The following LRRC52 variants were observed in gnomAD, a reference collection of about 807,000 sequenced individuals.
LRRC52 encodes the protein leucine rich repeat containing 52, also known as leucine-rich repeat-containing protein 52.
Under a neutral mutation model 14.7 loss-of-function variants are expected in LRRC52, and 15 were observed. That is an observed-to-expected ratio of 1.02 (90% confidence interval 0.68 to 1.58). LRRC52 has a LOEUF of 1.58. Among genes scored for constraint, LRRC52 ranks in the 40% most tolerant of loss-of-function variants. The pLI is 0.00. For synonymous variants in LRRC52, 180 were observed against 163.9 expected (o/e 1.10, Z -0.75); for missense variants, 400 against 387.7 (o/e 1.03, Z -0.27).
intron 1 of LRRC52, among the ~76,000 whole-genome samples, chr1:165,548,192 G>A (rs1157861): frequency 0.084 from 12,814 of 152,212 alleles, 749 homozygotes; most frequent in South Asian, 0.22. Flanking sequence ...AGGAAATACT[G>A]AACCTTAGCC....
At chr1:165,559,511 G>A (rs1419846557) in intron 1 of LRRC52, among the ~76,000 whole-genome samples, 9 of 152,138 alleles carry the variant, frequency 5.9e-5, no homozygotes, top group Admixed American at 5.9e-4. Flanking sequence ...TAATAACTAA[G>A]AGACAATAGA....
At position 165,563,541 on chromosome 1, in the gene LRRC52, T is replaced by TCCCATCACCCGG. The variant is rs768889337; in HGVS notation, c.659_660insCCCATCACCCGG (p.Leu220_Thr221insProSerProGly). The TCCCATCACCCGG allele has an allele frequency of 6.2e-7, 1 of 1,614,164 alleles. No individual in the cohort carries two copies. Among genetic ancestry groups the TCCCATCACCCGG allele is most frequent in the Admixed American group, 1.7e-5 (1 of 60,026 alleles). On this transcript the variant is annotated inframe_insertion, in exon 2 of 2. Transcript: ENST00000294818. The stretch of plus-strand genomic sequence containing the variant: ...GCCACATGTGTGGAGCCCACAGAGC[T>TCCCATCACCCGG]GACAGGGTGGCCCATCACCCGGGTG...
intron 1 of LRRC52, among the ~76,000 whole-genome samples, chr1:165,550,155 G>T (rs1443184849): frequency 2.6e-5 from 4 of 152,182 alleles, no homozygotes; most frequent in Non-Finnish European, 4.4e-5. Flanking sequence ...CTACTTGAAG[G>T]TGAGAGTGGT....
At position 165,544,762 on chromosome 1, in the gene LRRC52, G is replaced by C; in HGVS notation, c.466G>C (p.Asp156His). The C allele has an allele frequency of 6.2e-7, 1 of 1,613,920 alleles. No homozygotes were observed. The highest frequency in any genetic ancestry group is 8.5e-7 in the Non-Finnish European group (1 of 1,180,014). ...CAACACCACCTCTTTGAGGTACCTG[G>C]ACCTCAGAAATACCGGCTTGCAGAC... ...FANTTSLRYL[D>H]LRNTGLQTLD... Residue 156 changes from aspartate to histidine, a missense_variant, in exon 1 of 2, where the codon GAC becomes CAC. Physicochemically the swap from Asp to His is moderately conservative, Grantham distance 81. Coordinates refer to ENST00000294818, the MANE Select transcript of LRRC52 (RefSeq NM_001005214.4).
In LRRC52 at chr1:165,544,335, C is replaced by A; in HGVS notation, c.39C>A (p.Leu13=). 1 of 1,613,786 alleles carries A rather than the reference C, an allele frequency of 6.2e-7. No individual in the cohort carries two copies. The highest frequency in any genetic ancestry group is 8.5e-7 in the Non-Finnish European group (1 of 1,179,900). The change falls in exon 1 of 2, where the codon CTC becomes CTA. Residue 13 remains leucine, a synonymous_variant. Transcript: ENST00000294818. Reference sequence around the variant, plus strand: ...CAGGCCCTGGCCCTGGGTGGTTACTCTTTTCCTTTGGAATGGGGCTGGTAT... The same window carrying A: ...CAGGCCCTGGCCCTGGGTGGTTACTATTTTCCTTTGGAATGGGGCTGGTAT... ...LASGPGPGWL[L]FSFGMGLVSG...
rs141692696 is a variant in LRRC52, at chr1:165,544,353, G to A, written c.57G>A (p.Gly19=). The A allele has an allele frequency of 8.7e-6, 14 of 1,613,990 alleles. No homozygotes were observed. The highest frequency in any genetic ancestry group is 2.7e-5 in the African/African-American group (2 of 74,882). ...GGTTACTCTTTTCCTTTGGAATGGG[G>A]CTGGTATCAGGGTCAAAGTGTCCAA... ...PGWLLFSFGM[G]LVSGSKCPNN... The change falls in exon 1 of 2, where the codon GGG becomes GGA. Residue 19 remains glycine (G), a synonymous_variant. Coordinates refer to ENST00000294818, the MANE Select transcript of LRRC52 (RefSeq NM_001005214.4).
At chr1:165,545,256 T>C (rs1660996078) in intron 1 of LRRC52, among the ~76,000 whole-genome samples, 1 of 152,136 alleles carries the variant, frequency 6.6e-6, no homozygotes, top group South Asian at 2.1e-4. Context: ...ATATGATGTG[T>C]GTAGAAATGA....
intron 1 of LRRC52, 57 bp from the exon 2 acceptor site, chr1:165,563,448 T>C: frequency 6.6e-7 from 1 of 1,507,854 alleles, no homozygotes; most frequent in South Asian, 1.3e-5. Context: ...CCTTTGGCCT[T>C]AGGACGCTGG....
chr1:165,548,256 T>C (rs1661063650), intron 1 of LRRC52, among the ~76,000 whole-genome samples: 1 of 152,228 alleles, frequency 6.6e-6, no homozygotes, highest in Non-Finnish European at 1.5e-5. Flanking sequence ...AGTGCATATA[T>C]ATTCCTTGAA....
chr1:165,550,626 T>A (rs1372549923), intron 1 of LRRC52, among the ~76,000 whole-genome samples: 3 of 152,166 alleles, frequency 2.0e-5, no homozygotes, highest in Non-Finnish European at 4.4e-5. Flanking sequence ...AGTTCAATGT[T>A]TTTCCCTGAT....
chr1:165,560,465 G>C (rs1237411083), intron 1 of LRRC52, among the ~76,000 whole-genome samples: 5 of 152,160 alleles, frequency 3.3e-5, no homozygotes, highest in Non-Finnish European at 7.3e-5. Context: ...ATACCTTTAA[G>C]AGCTAAAAGT....
intron 1 of LRRC52, among the ~76,000 whole-genome samples, chr1:165,560,161 T>C (rs563205954): frequency 5.3e-5 from 8 of 152,342 alleles, no homozygotes; most frequent in African/African-American, 1.7e-4. Flanking sequence ...CTCATTAACA[T>C]TGTAACAAAA....
intron 1 of LRRC52, among the ~76,000 whole-genome samples, chr1:165,552,935 G>C (rs1245827479): frequency 6.6e-6 from 1 of 152,208 alleles, no homozygotes; most frequent in East Asian, 1.9e-4. Context: ...AACACACTTG[G>C]AGGAGGGCAG....
chr1:165,550,402 G>A (rs7521982), intron 1 of LRRC52, among the ~76,000 whole-genome samples: 14,728 of 152,228 alleles, frequency 0.097, 843 homozygotes, highest in South Asian at 0.22. Context: ...AGCCGCATGT[G>A]GCCATTGAGC....
chr1:165,555,992 G>A (rs1321682042), intron 1 of LRRC52, among the ~76,000 whole-genome samples: 8 of 152,228 alleles, frequency 5.3e-5, no homozygotes, highest in Non-Finnish European at 7.3e-5. Flanking sequence ...GGTCCCAGCC[G>A]CCAGCCCCAC....
intron 1 of LRRC52, among the ~76,000 whole-genome samples, chr1:165,554,146 A>G (rs533673133): frequency 1.5e-3 from 221 of 152,322 alleles, no homozygotes; most frequent in Non-Finnish European, 2.4e-3. Context: ...TAATTAAATG[A>G]AAAAACCCAC....
At chr1:165,556,668 C>A (rs914724108) in intron 1 of LRRC52, among the ~76,000 whole-genome samples, 1 of 152,226 alleles carries the variant, frequency 6.6e-6, no homozygotes, top group Non-Finnish European at 1.5e-5. Flanking sequence ...ATTTGGCCCA[C>A]AGGTTGTAGT....
chr1:165,562,517 C>T (rs1485189464), intron 1 of LRRC52, among the ~76,000 whole-genome samples: 1 of 152,142 alleles, frequency 6.6e-6, no homozygotes. Context: ...TGCCTTCTTA[C>T]CTATGTCAGT....
chr1:165,548,936 T>A (rs1160258079), intron 1 of LRRC52, among the ~76,000 whole-genome samples: 1 of 152,100 alleles, frequency 6.6e-6, no homozygotes, highest in Non-Finnish European at 1.5e-5. Flanking sequence ...GCATACGTGG[T>A]GTTAGAGGAC....
Sources: gnomAD v4.1 joint callset for allele counts (sites outside exome capture counted in the v4.1 genomes callset) on GRCh38, gnomAD v4.1.1 for gene constraint, MANE v1.5 for transcripts, NCBI Gene and HGNC (gene_info 2026-07-23, HGNC 2026-07-21) for gene names.